The following CDH23 variants were observed in gnomAD, a reference collection of about 807,000 sequenced individuals.
The protein encoded by CDH23 is cadherin-23.
CDH23 carries 189 observed loss-of-function variants against 317.1 expected under a neutral mutation model. The ratio of observed to expected loss-of-function variants is 0.60; its 90% CI spans 0.53 to 0.67. CDH23 has a LOEUF of 0.67. Ranked by LOEUF, CDH23 falls within the 30% of genes least tolerant of loss-of-function variation. The probability of loss-of-function intolerance (pLI) is 0.00; values close to 1 mark genes in which losing one functional copy is unlikely to be tolerated. For missense variants in CDH23, 4,401 were observed against 4,592.4 expected (o/e 0.96, Z 1.20); for synonymous variants, 1,839 against 1,876.8 (o/e 0.98, Z 0.52).
chr10:71,470,180 T>C (rs1420704562), intron 3 of CDH23, among the ~76,000 whole-genome samples: 1 of 152,228 alleles, frequency 6.6e-6, no homozygotes, highest in African/African-American at 2.4e-5. Flanking sequence ...TTCAAAGTGG[T>C]TGTACCCTTT....
At chr10:71,566,700 C>A (rs1042961035) in intron 6 of CDH23, 42 bp from the exon 7 acceptor site, 2 of 1,527,636 alleles carry the variant, frequency 1.3e-6, no homozygotes, top group South Asian at 2.6e-5. Context: ...GCAGCTGCTC[C>A]GCACTGGCTC....
At chr10:71,406,362 A>T (rs1055214312) in intron 1 of CDH23, among the ~76,000 whole-genome samples, 3 of 152,130 alleles carry the variant, frequency 2.0e-5, no homozygotes, top group Non-Finnish European at 4.4e-5. Flanking sequence ...TATCATGGGC[A>T]CTTAGCAGAC....
intron 11 of CDH23, among the ~76,000 whole-genome samples, chr10:71,619,721 A>G (rs2132525941): frequency 6.6e-6 from 1 of 152,272 alleles, no homozygotes; most frequent in Non-Finnish European, 1.5e-5. Flanking sequence ...GCAAGCAAGG[A>G]TGTGTGCAGT....
At chr10:71,633,961 G>A (rs1001070912) in intron 11 of CDH23, among the ~76,000 whole-genome samples, 5 of 152,248 alleles carry the variant, frequency 3.3e-5, no homozygotes, top group Non-Finnish European at 7.3e-5. Flanking sequence ...ATTAGCAGCT[G>A]TAGCGGTGTC....
intron 3 of CDH23, among the ~76,000 whole-genome samples, chr10:71,473,476 G>T (rs868761570): frequency 3.3e-4 from 50 of 152,282 alleles, no homozygotes; most frequent in African/African-American, 1.2e-3. Context: ...TGCCCCTTTT[G>T]GGGGTGAGGT....
intron 17 of CDH23, among the ~76,000 whole-genome samples, chr10:71,680,829 CTTTTTTTTTTTTTTTTT>C (rs1377882054): frequency 1.4e-5 from 1 of 70,132 alleles, no homozygotes; most frequent in Non-Finnish European, 2.5e-5. Flanking sequence ...TTTTCTTTTT[CTTTTTTTTTTTTTTTTT>C]GAGACAGAGT....
chr10:71,811,512 T>C lies in CDH23; in HGVS notation c.9200T>C (p.Met3067Thr). Residue 3067 changes from methionine (M) to threonine (T), a missense_variant and splice_region_variant, in exon 64 of 70, where the codon ATG (methionine) becomes ACG (threonine). By Grantham distance (81) the Met-to-Thr change is moderately conservative (BLOSUM62 -1). This residue lies in a region of CDH23 where 1,144 missense variants were observed against 1,138.2 expected (regional missense o/e 1.01). Coordinates refer to ENST00000224721, the MANE Select transcript of CDH23 (RefSeq NM_022124.6). ...RLPDDMSALQ[M>T]AIIVLAILLF... Reference sequence around the variant, plus strand: ...CTTACCCTGGTCCTGCTCCCGCAGATGGCGATCATCGTCCTGGCTATCCTC... The same window carrying C: ...CTTACCCTGGTCCTGCTCCCGCAGACGGCGATCATCGTCCTGGCTATCCTC... 1 of 1,613,976 alleles carries C rather than the reference T, an allele frequency of 6.2e-7. No homozygotes were observed. The highest frequency in any genetic ancestry group is 8.5e-7 in the Non-Finnish European group (1 of 1,179,890).
Position 71,815,231 on chromosome 10 carries a change from C to T in CDH23, c.10018C>T (p.Leu3340Phe), listed in dbSNP as rs376537401. The change falls in exon 70 of 70, where the codon CTT becomes TTT. Residue 3340 changes from leucine to phenylalanine, a missense_variant. Coordinates refer to ENST00000224721, the MANE Select transcript of CDH23 (RefSeq NM_022124.6). ...CGCCAAATCCACACCCCTGCACAAA[C>T]TTCGCGACGTGATCATGGAGACCCC... ...ESAKSTPLHK[L>F]RDVIMETPLE... The T allele has an allele frequency of 1.4e-5, 23 of 1,595,238 alleles. No individual in the cohort carries two copies. Among genetic ancestry groups the T allele is most frequent in the African/African-American group, 2.7e-5 (2 of 74,514 alleles).
In CDH23 at chr10:71,660,962, C is replaced by T. The variant is rs116767468; in HGVS notation, c.1450-14150C>T. On this transcript the variant is annotated intron_variant, in intron 14 of 69. Coordinates refer to ENST00000224721, the MANE Select transcript of CDH23 (RefSeq NM_022124.6). ...GCTGCGCTCCTGTCACGTGTGTTAT[C>T]GAAGCCTCATGACAACCTGGTGAGG... is the stretch of plus-strand genomic sequence containing the variant. Among the ~76,000 whole-genome samples the T allele has an allele frequency of 5.7e-3, 869 of 152,280 alleles. 11 individuals carry two copies. The highest frequency in any genetic ancestry group is 0.02 in the African/African-American group (822 of 41,548).
chr10:71,761,507 C>A, intron 38 of CDH23: 1 of 1,400,846 alleles, frequency 7.1e-7, no homozygotes. Flanking sequence ...TGCAGCCTCA[C>A]ACTCTGCCCA....
At chr10:71,660,952 C>T (rs1253961118) in intron 14 of CDH23, among the ~76,000 whole-genome samples, 1 of 152,172 alleles carries the variant, frequency 6.6e-6, no homozygotes, top group Non-Finnish European at 1.5e-5. Context: ...GCTCCTGTCA[C>T]GTGTGTTATC....
chr10:71,557,185 A>G (rs1311663027), intron 6 of CDH23, among the ~76,000 whole-genome samples: 1 of 152,216 alleles, frequency 6.6e-6, no homozygotes, highest in Non-Finnish European at 1.5e-5. Context: ...TTCACAGCTG[A>G]GCCACATAAT....
chr10:71,800,824 A>C, intron 53 of CDH23, 69 bp downstream of exon 53: 1 of 1,579,872 alleles, frequency 6.3e-7, no homozygotes, highest in Non-Finnish European at 8.6e-7. Flanking sequence ...CAAAGCCTCT[A>C]GCAAGTGGAC....
intron 3 of CDH23, among the ~76,000 whole-genome samples, chr10:71,506,735 A>G (rs975295568): frequency 2.6e-5 from 4 of 152,140 alleles, no homozygotes; most frequent in Admixed American, 6.5e-5. Flanking sequence ...CCAGCTGGAA[A>G]ATTGCAGGGC....
At chr10:71,510,027 G>A in intron 3 of CDH23, 55 bp from the exon 4 acceptor site, 2 of 1,608,906 alleles carry the variant, frequency 1.2e-6, no homozygotes, top group Non-Finnish European at 1.7e-6. Flanking sequence ...AAGGTAGGAA[G>A]GCATAAACGT....
At position 71,738,597 on chromosome 10, in the gene CDH23, C is replaced by A. The variant is rs397517329; in HGVS notation, c.4309C>A (p.Arg1437=). ...SIPEDCPVGQ[R]VATVKAWDPD... ...ACCCGAGGACTGCCCTGTGGGCCAG[C>A]GAGTGGCTACTGTCAAGGCCTGGGA... The change falls in exon 35 of 70, where the codon CGA becomes AGA. Residue 1437 remains arginine, a synonymous_variant. Transcript: ENST00000224721. The A allele has an allele frequency of 1.2e-6, 2 of 1,613,732 alleles. No homozygotes were observed. Among genetic ancestry groups the A allele is most frequent in the Non-Finnish European group, 1.7e-6 (2 of 1,179,874 alleles).
intron 38 of CDH23, chr10:71,750,408 GGCCCGCGCTGA>G (rs1390579895): frequency 6.6e-6 from 1 of 152,324 alleles, no homozygotes; most frequent in Non-Finnish European, 1.5e-5. Flanking sequence ...CCCTTGCAAT[GGCCCGCGCTGA>G]GCAGTGGGAG....
intron 38 of CDH23, among the ~76,000 whole-genome samples, chr10:71,759,609 C>G (rs1163862637): frequency 1.3e-5 from 2 of 151,790 alleles, no homozygotes; most frequent in Non-Finnish European, 2.9e-5. Context: ...TAGTTTGAGA[C>G]CAGCCTGGCC....
At chr10:71,504,890 T>C (rs116360115) in intron 3 of CDH23, among the ~76,000 whole-genome samples, 2,606 of 152,338 alleles carry the variant, frequency 0.017, 59 homozygotes, top group African/African-American at 0.054. Flanking sequence ...ATAAACCAGC[T>C]ACAGGACTTC....
Sources: allele counts gnomAD v4.1 joint callset (sites outside exome capture counted in the v4.1 genomes callset), GRCh38; gene constraint gnomAD v4.1.1; regional missense constraint gnomAD v4.1.1; transcripts MANE v1.5; gene names NCBI Gene and HGNC (gene_info 2026-07-23, HGNC 2026-07-21).